Variants in CRPPA observed in about 807,000 individuals in gnomAD.
CRPPA encodes D-ribitol-5-phosphate cytidylyltransferase.
CRPPA carries 43 observed loss-of-function variants against 52.0 expected under a neutral mutation model. The observed-to-expected ratio is 0.83, with a 90% CI of 0.65 to 1.07. The LOEUF is 1.07. Ranked by LOEUF, CRPPA falls within the 50% of genes least tolerant of loss-of-function variation. The probability of loss-of-function intolerance (pLI) is 0.00; values close to 1 mark genes in which losing one functional copy is unlikely to be tolerated. For missense variants in CRPPA, 629 were observed against 551.7 expected (o/e 1.14, Z -1.40); for synonymous variants, 250 against 203.5 (o/e 1.23, Z -1.94).
chr7:16,105,491 T>C (rs1247563387), intron 9 of CRPPA, among the ~76,000 whole-genome samples: 1 of 152,172 alleles, frequency 6.6e-6, no homozygotes, highest in Non-Finnish European at 1.5e-5. Context: ...ACTTTGGTTT[T>C]ATTATTTCAT....
chr7:16,178,501 G>A (rs1185629664), intron 9 of CRPPA, among the ~76,000 whole-genome samples: 1 of 152,104 alleles, frequency 6.6e-6, no homozygotes, highest in African/African-American at 2.4e-5. Context: ...GATAAACCAT[G>A]TTGGTTCAGT....
intron 4 of CRPPA, among the ~76,000 whole-genome samples, chr7:16,305,774 C>T (rs541382025): frequency 2.6e-5 from 4 of 152,222 alleles, no homozygotes; most frequent in South Asian, 2.1e-4. Flanking sequence ...CCCAGCTACT[C>T]GGGAGACTGA....
At chr7:16,207,463 A>C (rs1054029878) in intron 9 of CRPPA, among the ~76,000 whole-genome samples, 9 of 152,196 alleles carry the variant, frequency 5.9e-5, no homozygotes, top group African/African-American at 2.2e-4. Flanking sequence ...GATTCCGTTA[A>C]ACACTGCAAT....
At chr7:16,103,894 G>C (rs1782097931) in intron 9 of CRPPA, among the ~76,000 whole-genome samples, 1 of 152,118 alleles carries the variant, frequency 6.6e-6, no homozygotes, top group African/African-American at 2.4e-5. Context: ...AGACTGGTTA[G>C]ATTTGTTCAC....
At chr7:16,357,819 T>A (rs142113529) in intron 3 of CRPPA, among the ~76,000 whole-genome samples, 81 of 152,232 alleles carry the variant, frequency 5.3e-4, no homozygotes, top group African/African-American at 1.9e-3. Context: ...TGAAGGAACA[T>A]ACCCTCTCCA....
chr7:16,287,960 A>G (rs1242546893), intron 5 of CRPPA, among the ~76,000 whole-genome samples: 1 of 151,920 alleles, frequency 6.6e-6, no homozygotes, highest in Admixed American at 6.6e-5. Flanking sequence ...GGAAGGAAAG[A>G]AGGAAATAAA....
chr7:16,164,351 A>G (rs1780997110), intron 9 of CRPPA, among the ~76,000 whole-genome samples: 1 of 152,140 alleles, frequency 6.6e-6, no homozygotes, highest in African/African-American at 2.4e-5. Context: ...TGCGTTTTTC[A>G]GCTCCATCAG....
intron 5 of CRPPA, among the ~76,000 whole-genome samples, chr7:16,279,829 A>G (rs1280594445): frequency 6.6e-6 from 1 of 152,204 alleles, no homozygotes; most frequent in African/African-American, 2.4e-5. Context: ...CTTGAAAGCT[A>G]TATTAGTTTG....
At chr7:16,151,695 T>C (rs530182786) in intron 9 of CRPPA, among the ~76,000 whole-genome samples, 25 of 152,232 alleles carry the variant, frequency 1.6e-4, no homozygotes, top group African/African-American at 4.8e-4. Context: ...GTACATACTT[T>C]ACAAATTGAA....
At chr7:16,369,041 T>C (rs1786680745) in intron 3 of CRPPA, among the ~76,000 whole-genome samples, 2 of 152,164 alleles carry the variant, frequency 1.3e-5, no homozygotes, top group African/African-American at 2.4e-5. Flanking sequence ...TAAACTCTTC[T>C]AGGTGCTAGA....
chr7:16,421,145 T>C lies in CRPPA; in HGVS notation c.178A>G (p.Met60Val). The C allele has an allele frequency of 7.5e-7, 1 of 1,332,184 alleles. No individual in the cohort carries two copies. Among genetic ancestry groups the C allele is most frequent in the Non-Finnish European group, 9.7e-7 (1 of 1,035,794 alleles). The allele number at this position is 1,332,184 out of a possible 1,614,324, so 82.5% of individuals were successfully genotyped here. The stretch of plus-strand genomic sequence containing the variant: ...AATTGCTTCGGGGTGGGGACCCCCA[T>C]CCTCTCCCCGCACCCCCCGGCAGGC... The part of the protein sequence containing the change: ...VLPAGGCGER[M>V]GVPTPKQFCP... The change falls in exon 1 of 10, where the codon ATG (methionine) becomes GTG (valine). Residue 60 changes from methionine (M) to valine (V), a missense_variant. Coordinates refer to ENST00000407010, the MANE Select transcript of CRPPA (RefSeq NM_001101426.4).
rs10255770 is a variant in CRPPA, at chr7:16,238,623, G to A, written c.1119+19767C>T. ...GGATAAGAAATGGACAAATACAAGAGAAAACATCAAAATAACCTATGAGTC... is the reference window on the plus strand; with the variant it reads ...GGATAAGAAATGGACAAATACAAGAAAAAACATCAAAATAACCTATGAGTC... On this transcript the variant is annotated intron_variant, in intron 8 of 9. Transcript: ENST00000407010. Among the ~76,000 whole-genome samples, 1,230 of 152,156 alleles carry A rather than the reference G, an allele frequency of 8.1e-3. 15 individuals are homozygous for A. Among genetic ancestry groups the A allele is most frequent in the African/African-American group, 0.028 (1,170 of 41,504 alleles).
intron 8 of CRPPA, among the ~76,000 whole-genome samples, chr7:16,225,898 T>G (rs1006550266): frequency 6.6e-6 from 1 of 151,908 alleles, no homozygotes. Context: ...ATATATTTAA[T>G]GTGTTCCAAA....
At chr7:16,217,423 G>A (rs1447744494) in intron 8 of CRPPA, among the ~76,000 whole-genome samples, 6 of 148,764 alleles carry the variant, frequency 4.0e-5, no homozygotes, top group Admixed American at 1.3e-4. Context: ...CACCAGCAAC[G>A]GAACAAAGCT....
At chr7:16,411,148 T>A (rs1788068531) in intron 1 of CRPPA, among the ~76,000 whole-genome samples, 2 of 152,190 alleles carry the variant, frequency 1.3e-5, no homozygotes, top group African/African-American at 4.8e-5. Context: ...GTGTAGAATA[T>A]TTCGCCTGCA....
chr7:16,194,658 T>C (rs1315174989), intron 9 of CRPPA, among the ~76,000 whole-genome samples: 2 of 152,260 alleles, frequency 1.3e-5, no homozygotes. Flanking sequence ...TGGTAAGATT[T>C]TTCTTACACA....
At chr7:16,344,548 CA>C (rs896846920) in intron 3 of CRPPA, among the ~76,000 whole-genome samples, 3 of 149,370 alleles carry the variant, frequency 2.0e-5, no homozygotes, top group East Asian at 2.0e-4. Flanking sequence ...CCTTGTCTAT[CA>C]AAAAAAAAGA....
chr7:16,152,689 C>G (rs1286495587), intron 9 of CRPPA, among the ~76,000 whole-genome samples: 1 of 151,852 alleles, frequency 6.6e-6, no homozygotes, highest in African/African-American at 2.4e-5. Flanking sequence ...CTTAGTATTT[C>G]AACATGAAAG....
intron 9 of CRPPA, among the ~76,000 whole-genome samples, chr7:16,098,587 G>C (rs1781978048): frequency 6.6e-6 from 1 of 152,022 alleles, no homozygotes; most frequent in Non-Finnish European, 1.5e-5. Flanking sequence ...TTTACATCTA[G>C]TCATAAATAT....
Sources: gnomAD v4.1 joint callset for allele counts (sites outside exome capture counted in the v4.1 genomes callset) on GRCh38, gnomAD v4.1.1 for gene constraint, MANE v1.5 for transcripts, NCBI Gene and HGNC (gene_info 2026-07-23, HGNC 2026-07-21) for gene names.